ZBTB16: variants seen among roughly 807,000 people sequenced by gnomAD.
The protein encoded by ZBTB16 is zinc finger and BTB domain-containing protein 16.
Under a neutral mutation model 56.8 loss-of-function variants are expected in ZBTB16, and 8 were observed. The ratio of observed to expected loss-of-function variants is 0.14; its 90% CI spans 0.08 to 0.25. The LOEUF is 0.25. ZBTB16 is among the 10% of genes least tolerant of loss of function. The pLI, the probability that ZBTB16 is intolerant of heterozygous loss-of-function variation, is 1.00. For missense variants in ZBTB16, 625 were observed against 903.0 expected, an observed-to-expected ratio of 0.69 and a Z score of 3.95; for synonymous variants, 363 against 368.5, an observed-to-expected ratio of 0.98 and a Z score of 0.17.
chr11:114,148,368 C>G (rs1257799586), intron 2 of ZBTB16, among the ~76,000 whole-genome samples: 3 of 142,578 alleles, frequency 2.1e-5, no homozygotes, highest in Non-Finnish European at 4.6e-5. Context: ...TTCCTTCCTT[C>G]CTTCCTTCCT....
intron 2 of ZBTB16, among the ~76,000 whole-genome samples, chr11:114,142,131 T>C (rs1383310672): frequency 1.3e-5 from 2 of 152,228 alleles, no homozygotes; most frequent in African/African-American, 4.8e-5. Context: ...ATGTTGTCTT[T>C]GTGGCAGATG....
chr11:114,224,967 G>C (rs893581695), intron 4 of ZBTB16, among the ~76,000 whole-genome samples: 3 of 152,142 alleles, frequency 2.0e-5, no homozygotes, highest in African/African-American at 4.8e-5. Context: ...TGAGGAGTTA[G>C]TGAGCAATTG....
intron 2 of ZBTB16, among the ~76,000 whole-genome samples, chr11:114,117,110 A>T (rs1157818922): frequency 6.6e-6 from 1 of 152,166 alleles, no homozygotes; most frequent in Admixed American, 6.5e-5. Context: ...CCAGAGGGAA[A>T]GGCATTCCAG....
chr11:114,174,542 G>T (rs544853839), intron 3 of ZBTB16, among the ~76,000 whole-genome samples: 1 of 152,116 alleles, frequency 6.6e-6, no homozygotes, highest in Non-Finnish European at 1.5e-5. Flanking sequence ...TTAGCCGGGC[G>T]TGGTGGCATG....
chr11:114,237,815 C>T (rs1027658939), intron 4 of ZBTB16, among the ~76,000 whole-genome samples: 7 of 152,228 alleles, frequency 4.6e-5, no homozygotes, highest in Admixed American at 1.3e-4. Flanking sequence ...CCACATCTCC[C>T]CCACTTTTCC....
At chr11:114,163,839 T>G (rs562230811) in intron 3 of ZBTB16, among the ~76,000 whole-genome samples, 14 of 152,346 alleles carry the variant, frequency 9.2e-5, no homozygotes, top group Admixed American at 9.2e-4. Flanking sequence ...TCTATAAATT[T>G]GTTTCCACAT....
At chr11:114,235,819 T>G (rs1399640616) in intron 4 of ZBTB16, among the ~76,000 whole-genome samples, 1 of 149,232 alleles carries the variant, frequency 6.7e-6, no homozygotes, top group Non-Finnish European at 1.5e-5. Flanking sequence ...AAAATTAAGC[T>G]TGTTTTAAAT....
rs34465404 is a variant in ZBTB16 at position 114,185,011 on chromosome 11, A to AAAAT, written c.1367-1925_1367-1922dup. On this transcript the variant is annotated intron_variant, in intron 3 of 6. Transcript: ENST00000335953. ...AAACACAGTGAGACCTCATCTCTTT[A>AAAAT]AAATAAATAAATAAATAAAATAAAA... 2.6e-5 allele frequency among the ~76,000 whole-genome samples: 4 copies of AAAAT among 152,034 alleles called. No homozygotes were observed. In the East Asian group the frequency reaches 5.8e-4, roughly 22 times the overall value.
intron 3 of ZBTB16, among the ~76,000 whole-genome samples, chr11:114,177,282 G>A (rs1427684436): frequency 6.6e-6 from 1 of 152,222 alleles, no homozygotes; most frequent in East Asian, 1.9e-4. Flanking sequence ...GATTTGAGCT[G>A]TTGCTGTTGC....
chr11:114,124,333 A>G (rs73565176), intron 2 of ZBTB16, among the ~76,000 whole-genome samples: 3 of 152,108 alleles, frequency 2.0e-5, no homozygotes, highest in African/African-American at 7.2e-5. Flanking sequence ...GATGACTGAA[A>G]AGGCCACAGC....
At chr11:114,165,838 G>C (rs753206607) in intron 3 of ZBTB16, among the ~76,000 whole-genome samples, 3 of 152,120 alleles carry the variant, frequency 2.0e-5, no homozygotes, top group African/African-American at 2.4e-5. Context: ...CCAGCTCTGG[G>C]GACCTTCAGA....
chr11:114,130,784 T>G (rs75130399), intron 2 of ZBTB16, among the ~76,000 whole-genome samples: 1 of 152,218 alleles, frequency 6.6e-6, no homozygotes, highest in Non-Finnish European at 1.5e-5. Flanking sequence ...TAAGCGTGGC[T>G]TAAGGTGATA....
chr11:114,111,156 CGTGT>C (rs4020003), intron 2 of ZBTB16, among the ~76,000 whole-genome samples: 17 of 148,932 alleles, frequency 1.1e-4, no homozygotes, highest in Admixed American at 2.0e-4. Context: ...ATCTGTGCTG[CGTGT>C]GTGTGTGTGT....
At position 114,148,195 on chromosome 11, in the gene ZBTB16, C is replaced by T. The variant is rs533928365; in HGVS notation, c.1269-8142C>T. On this transcript the variant is annotated intron_variant, in intron 2 of 6. Transcript: ENST00000335953. ...CAGCCTTATCTGCAAGTGCTGTATT[C>T]GGTGTGGTCATGGCCCCAGGGAATG... Among the ~76,000 whole-genome samples the T allele has an allele frequency of 1.2e-4, 19 of 152,140 alleles. 1 individual carries two copies. In the South Asian group the frequency reaches 1.7e-3, roughly 13 times the overall value.
Position 114,099,336 on chromosome 11 carries a change from TACAC to T in ZBTB16, c.1268+34772_1268+34775del, listed in dbSNP as rs1451293125. Reference sequence around the variant, plus strand: ...GATACTCTGAATATATATATACACATACACACATATATAAAATAAATCTATTTTA... The same window carrying T: ...GATACTCTGAATATATATATACACATACATATATAAAATAAATCTATTTTA... On this transcript the variant is annotated intron_variant, in intron 2 of 6. Coordinates refer to ENST00000335953, the MANE Select transcript of ZBTB16 (RefSeq NM_006006.6). 2.6e-5 allele frequency among the ~76,000 whole-genome samples: 4 copies of T among 152,220 alleles called. No individual in the cohort carries two copies. In the East Asian group the frequency reaches 7.7e-4, roughly 29 times the overall value.
At chr11:114,177,759 G>A (rs377257242) in intron 3 of ZBTB16, among the ~76,000 whole-genome samples, 1 of 152,146 alleles carries the variant, frequency 6.6e-6, no homozygotes, top group African/African-American at 2.4e-5. Flanking sequence ...AGAAGCAATG[G>A]TAAGGTGAAC....
intron 2 of ZBTB16, among the ~76,000 whole-genome samples, chr11:114,144,770 G>A (rs2134910970): frequency 6.6e-6 from 1 of 152,352 alleles, no homozygotes; most frequent in South Asian, 2.1e-4. Flanking sequence ...GACAGCAAGG[G>A]CTGTCAAATC....
At chr11:114,228,628 C>T (rs1277094402) in intron 4 of ZBTB16, among the ~76,000 whole-genome samples, 1 of 152,136 alleles carries the variant, frequency 6.6e-6, no homozygotes. Context: ...GGGCTGGGAG[C>T]GTGTTGATAC....
chr11:114,120,664 T>C (rs570886972), intron 2 of ZBTB16, among the ~76,000 whole-genome samples: 80 of 152,314 alleles, frequency 5.3e-4, no homozygotes, highest in Admixed American at 7.8e-4. Flanking sequence ...CCGCACACTT[T>C]CTCTGCGTGT....
Sources: gnomAD v4.1 joint callset for allele counts (sites outside exome capture counted in the v4.1 genomes callset) on GRCh38, gnomAD v4.1.1 for gene constraint, MANE v1.5 for transcripts, NCBI Gene and HGNC (gene_info 2026-07-23, HGNC 2026-07-21) for gene names.